The following ACCS variants were observed in gnomAD, a reference collection of about 807,000 sequenced individuals.
ACCS encodes 1-aminocyclopropane-1-carboxylate synthase homolog (inactive), also known as 1-aminocyclopropane-1-carboxylate synthase-like protein 1.
Under a neutral mutation model 59.8 loss-of-function variants are expected in ACCS, and 42 were observed. The ratio of observed to expected loss-of-function variants is 0.70; its 90% CI spans 0.55 to 0.91. ACCS has a LOEUF of 0.91. ACCS is among the 40% of genes least tolerant of loss of function. The pLI is 0.00. For missense variants in ACCS, 602 were observed against 630.4 expected (o/e 0.95, Z 0.48); for synonymous variants, 230 against 240.3 (o/e 0.96, Z 0.40).
intron 2 of ACCS, among the ~76,000 whole-genome samples, chr11:44,068,708 C>A (rs1952906249): frequency 4.6e-5 from 7 of 152,196 alleles, no homozygotes; most frequent in Admixed American, 4.6e-4. Context: ...GTTTTTAGCA[C>A]AGTGCTACTC....
intron 1 of ACCS, chr11:44,067,410 A>T (rs1952839795): frequency 1.9e-6 from 1 of 513,698 alleles, no homozygotes; most frequent in African/African-American, 2.0e-5. Context: ...TCAATGTGGC[A>T]AGTGCAGTCC....
Position 44,084,046 on chromosome 11 carries a change from G to C in ACCS, c.*254G>C. 1 of 648,604 alleles carries C rather than the reference G, an allele frequency of 1.5e-6. No individual in the cohort carries two copies. The highest frequency in any genetic ancestry group is 2.4e-6 in the Non-Finnish European group (1 of 422,466). 40.2% of individuals were successfully genotyped at this position (648,604 alleles called of 1,614,324 possible). A position where few individuals can be genotyped will look rare whatever the true frequency, so the allele number is the denominator to read the frequency against. On this transcript the variant is annotated 3_prime_UTR_variant, in exon 15 of 15. Transcript: ENST00000263776. ...ATATGTCTCCATTGTGAGTTATTTA[G>C]AATGGAGGAGTCGTGACTGCTTCTA...
At chr11:44,081,739 G>A (rs777718823) in intron 12 of ACCS, among the ~76,000 whole-genome samples, 10 of 152,212 alleles carry the variant, frequency 6.6e-5, no homozygotes, top group Non-Finnish European at 1.3e-4. Flanking sequence ...GGAGGCTGAG[G>A]TGGGAGGATC....
At chr11:44,075,410 C>A in intron 5 of ACCS, 116 bp from the exon 6 acceptor site, 1 of 1,069,892 alleles carries the variant, frequency 9.3e-7, no homozygotes, top group Non-Finnish European at 1.4e-6. Flanking sequence ...GTGACAGAGC[C>A]TCAGGTGGCA....
At chr11:44,072,894 G>C (rs1051518674) in intron 3 of ACCS, among the ~76,000 whole-genome samples, 1 of 152,178 alleles carries the variant, frequency 6.6e-6, no homozygotes, top group Non-Finnish European at 1.5e-5. Context: ...CAGTGCGTAA[G>C]GCCCCTGCAT....
Position 44,081,839 on chromosome 11 carries a change from A to C in ACCS, c.1111+519A>C, listed in dbSNP as rs560684306. Among the ~76,000 whole-genome samples, 16 of 152,330 alleles carry C rather than the reference A, an allele frequency of 1.1e-4. No individual in the cohort carries two copies. In the South Asian group the frequency reaches 3.3e-3, roughly 32 times the overall value. ...GACAGAGTAAGACCTTGTCTTTAAC[A>C]ACAACAAAAAACAGCAGAAGCTTCT... On this transcript the variant is annotated intron_variant, in intron 12 of 14. Coordinates refer to ENST00000263776, the MANE Select transcript of ACCS (RefSeq NM_032592.4).
At chr11:44,073,700 C>A (rs140927471) in intron 4 of ACCS, among the ~76,000 whole-genome samples, 183 bp downstream of exon 4, 1 of 152,188 alleles carries the variant, frequency 6.6e-6, no homozygotes, top group Non-Finnish European at 1.5e-5. Context: ...GACCTGGCCC[C>A]GAACATCAGT....
At chr11:44,075,857 G>C (rs1020954334) in intron 6 of ACCS, 16 of 440,726 alleles carry the variant, frequency 3.6e-5, no homozygotes, top group Non-Finnish European at 6.6e-5. Context: ...GCGTCCTCAC[G>C]TGACAGTGTG....
At chr11:44,074,778 C>CTTTCTTTCTTTCTT (rs1565175623) in intron 5 of ACCS, 97 bp downstream of exon 5, 54 of 180,384 alleles carry the variant, frequency 3.0e-4, no homozygotes, top group East Asian at 9.2e-4. Context: ...CTTTCTTTTT[C>CTTTCTTTCTTTCTT]TCTCTCTCTC....
chr11:44,081,980 C>T (rs1953659948), intron 12 of ACCS: 1 of 152,226 alleles, frequency 6.6e-6, no homozygotes, highest in Non-Finnish European at 1.5e-5. Flanking sequence ...TTTACTGAGC[C>T]TAGCAAATGC....
rs1345614414 is a variant in ACCS, at chr11:44,067,633, C to T, written c.6C>T (p.Phe2=). M[F]TLPQKDFRAP... The stretch of plus-strand genomic sequence containing the variant: ...TGCGTTTTGTCTTTTTGCAGATGTT[C>T]ACCCTTCCTCAAAAGGACTTCAGGG... The change falls in exon 2 of 15, where the codon TTC becomes TTT. Residue 2 remains phenylalanine (F), a synonymous_variant. Transcript: ENST00000263776. 2.5e-6 allele frequency: 4 copies of T among 1,604,924 alleles called. No homozygotes were observed. Among genetic ancestry groups the T allele is most frequent in the Non-Finnish European group, 3.4e-6 (4 of 1,175,796 alleles).
At chr11:44,075,449 G>T (rs776181751) in intron 5 of ACCS, 77 bp from the exon 6 acceptor site, 2 of 1,504,948 alleles carry the variant, frequency 1.3e-6, no homozygotes, top group Non-Finnish European at 1.8e-6. Flanking sequence ...CTCACTCTGT[G>T]CTGTCCTGGG....
intron 6 of ACCS, 154 bp downstream of exon 6, chr11:44,075,746 C>G: frequency 1.2e-6 from 1 of 853,296 alleles, no homozygotes; most frequent in South Asian, 1.9e-5. Context: ...TGACAAAGCA[C>G]CCGGGGGTCA....
At chr11:44,078,819 T>C in intron 9 of ACCS, 35 bp downstream of exon 9, 2 of 1,580,532 alleles carry the variant, frequency 1.3e-6, no homozygotes, top group Non-Finnish European at 1.7e-6. Context: ...ACAGAGCGTC[T>C]GGGCAGCCTG....
chr11:44,077,296 A>G lies in ACCS; in HGVS notation c.574A>G (p.Thr192Ala). 6.2e-7 allele frequency: 1 copy of G among 1,613,738 alleles called. No homozygotes were observed. Among genetic ancestry groups the G allele is most frequent in the Non-Finnish European group, 8.5e-7 (1 of 1,179,872 alleles). The change falls in exon 7 of 15, where the codon ACC becomes GCC. Residue 192 changes from threonine (T) to alanine (A), a missense_variant. Coordinates refer to ENST00000263776, the MANE Select transcript of ACCS (RefSeq NM_032592.4). Reference sequence around the variant, plus strand: ...GCCCCCAGAGGCTTTCCTGATCCCCACCCCTTACTATGGCGCTATCACACA... The same window carrying G: ...GCCCCCAGAGGCTTTCCTGATCCCCGCCCCTTACTATGGCGCTATCACACA... ...CEAGEAFLIP[T>A]PYYGAITQHV...
chr11:44,077,739 G>A, intron 7 of ACCS, 106 bp from the exon 8 acceptor site: 1 of 1,496,326 alleles, frequency 6.7e-7, no homozygotes, highest in Non-Finnish European at 8.9e-7. Flanking sequence ...AGACTCTTCT[G>A]AGGAGGCTGG....
intron 10 of ACCS, 53 bp downstream of exon 10, chr11:44,079,673 C>CTTGG (rs1953550082): frequency 1.5e-5 from 23 of 1,529,786 alleles, no homozygotes; most frequent in Non-Finnish European, 2.0e-5. Context: ...CCCACGGAGC[C>CTTGG]CTGGCCACTT....
At position 44,067,610 on chromosome 11, in the gene ACCS, C is replaced by T. The variant is rs201286589; in HGVS notation, c.1-18C>T. ...TGGAAATCCCTTGAGCAGGCCTGTG[C>T]GTTTTGTCTTTTTGCAGATGTTCAC... On this transcript the variant is annotated intron_variant, in intron 1 of 14. Coordinates refer to ENST00000263776, the MANE Select transcript of ACCS (RefSeq NM_032592.4). 24 of 1,588,012 alleles carry T rather than the reference C, an allele frequency of 1.5e-5. No individual in the cohort carries two copies. The African/African-American group carries it at 1.9e-4, about 12-fold the overall frequency.
At chr11:44,074,805 T>C in intron 5 of ACCS, 124 bp downstream of exon 5, 1 of 372,538 alleles carries the variant, frequency 2.7e-6, no homozygotes, top group Middle Eastern at 7.1e-4. Context: ...TCTCCTTCCT[T>C]CCTTCTCTTT....
Sources: allele counts gnomAD v4.1 joint callset (sites outside exome capture counted in the v4.1 genomes callset), GRCh38; gene constraint gnomAD v4.1.1; transcripts MANE v1.5; gene names NCBI Gene and HGNC (gene_info 2026-07-23, HGNC 2026-07-21).